Variants in ANKRD42 observed in about 807,000 individuals in gnomAD.
ANKRD42 encodes ankyrin repeat domain-containing protein 42.
Under a neutral mutation model 51.5 loss-of-function variants are expected in ANKRD42, and 43 were observed. The observed-to-expected ratio is 0.83, with a 90% confidence interval of 0.65 to 1.08. ANKRD42 has a LOEUF of 1.08. Among genes scored for constraint, ANKRD42 ranks in the 50% least tolerant of loss-of-function variants. The pLI is 0.00. For missense variants in ANKRD42, 608 were observed against 629.3 expected (o/e 0.97, Z 0.36); for synonymous variants, 203 against 213.0 (o/e 0.95, Z 0.41).
chr11:83,209,937 AC>A, intron 3 of ANKRD42: 1 of 379,006 alleles, frequency 2.6e-6, no homozygotes, highest in South Asian at 3.0e-5. Context: ...TGAGTTTGAG[AC>A]TGTGGCTGTT....
intron 7 of ANKRD42, among the ~76,000 whole-genome samples, chr11:83,230,218 A>G (rs1251608108): frequency 6.6e-6 from 1 of 152,028 alleles, no homozygotes; most frequent in Non-Finnish European, 1.5e-5. Context: ...TGCCTGGCTA[A>G]TTTTTTGTAT....
chr11:83,206,651 A>G (rs770664253), intron 3 of ANKRD42, among the ~76,000 whole-genome samples: 19 of 152,234 alleles, frequency 1.2e-4, no homozygotes, highest in Non-Finnish European at 2.5e-4. Flanking sequence ...GGCACTATCT[A>G]TGCAGAATGA....
downstream of ANKRD42, among the ~76,000 whole-genome samples, chr11:83,256,955 T>A (rs940068863): frequency 6.6e-6 from 1 of 152,160 alleles, no homozygotes; most frequent in Non-Finnish European, 1.5e-5. Context: ...TGGCTGTCAT[T>A]GGGAGAATTA....
chr11:83,216,730 A>G (rs1862549663), intron 5 of ANKRD42, among the ~76,000 whole-genome samples: 2 of 152,220 alleles, frequency 1.3e-5, no homozygotes, highest in African/African-American at 2.4e-5. Flanking sequence ...GGTGTAAGGC[A>G]TATTTTAAGC....
intron 9 of ANKRD42, among the ~76,000 whole-genome samples, chr11:83,242,866 CCA>C (rs1177619879): frequency 2.0e-5 from 3 of 152,014 alleles, no homozygotes; most frequent in Non-Finnish European, 4.4e-5. Context: ...CCCGGCCGCA[CCA>C]CGTTTTCTTT....
downstream of ANKRD42, among the ~76,000 whole-genome samples, chr11:83,253,420 T>C (rs1863708593): frequency 6.6e-6 from 1 of 152,218 alleles, no homozygotes; most frequent in South Asian, 2.1e-4. Context: ...TTTTGAAAAA[T>C]AAGAATTCCA....
intron 3 of ANKRD42, among the ~76,000 whole-genome samples, chr11:83,206,498 GA>G (rs1367629814): frequency 2.0e-5 from 3 of 152,208 alleles, no homozygotes; most frequent in Non-Finnish European, 4.4e-5. Context: ...ACCCCAAGGT[GA>G]TGGTGTTAAG....
At chr11:83,264,213 C>T (rs999170992), downstream of ANKRD42, among the ~76,000 whole-genome samples, 2 of 152,004 alleles carry the variant, frequency 1.3e-5, no homozygotes, top group African/African-American at 2.4e-5. Flanking sequence ...GGACTGGATA[C>T]ATAAATTGTG....
downstream of ANKRD42, among the ~76,000 whole-genome samples, chr11:83,256,474 T>A (rs1471841379): frequency 6.6e-6 from 1 of 152,228 alleles, no homozygotes; most frequent in Non-Finnish European, 1.5e-5. Flanking sequence ...TCTTAAAGAT[T>A]AGTAGTGCTT....
At chr11:83,213,621 T>C in intron 5 of ANKRD42, 1 of 1,017,570 alleles carries the variant, frequency 9.8e-7, no homozygotes, top group Non-Finnish European at 1.2e-6. Flanking sequence ...ACATTTTTCC[T>C]GATGACTAAA....
chr11:83,217,201 T>C (rs886514974), intron 5 of ANKRD42, among the ~76,000 whole-genome samples: 7 of 152,188 alleles, frequency 4.6e-5, no homozygotes, highest in Admixed American at 4.6e-4. Context: ...GGAGCCCAGG[T>C]ATCTATTGGT....
intron 3 of ANKRD42, among the ~76,000 whole-genome samples, chr11:83,207,197 A>G (rs1862109186): frequency 6.6e-6 from 1 of 152,176 alleles, no homozygotes; most frequent in Non-Finnish European, 1.5e-5. Context: ...ACTCACTATC[A>G]TGAGAATAGC....
intron 7 of ANKRD42, among the ~76,000 whole-genome samples, chr11:83,233,929 C>A (rs183829827): frequency 6.6e-6 from 1 of 152,182 alleles, no homozygotes; most frequent in Admixed American, 6.5e-5. Context: ...GTGATCCACC[C>A]GCTTTGGCCT....
At chr11:83,230,298 C>T (rs767403101) in intron 7 of ANKRD42, among the ~76,000 whole-genome samples, 7 of 152,046 alleles carry the variant, frequency 4.6e-5, no homozygotes, top group East Asian at 1.9e-4. Context: ...GTGATCCATC[C>T]GCCTTGGTCT....
At chr11:83,207,303 G>A (rs1353651616) in intron 3 of ANKRD42, among the ~76,000 whole-genome samples, 1 of 152,292 alleles carries the variant, frequency 6.6e-6, no homozygotes, top group East Asian at 1.9e-4. Context: ...GAGATTTGAG[G>A]GGGAACACAG....
downstream of ANKRD42, chr11:83,261,891 C>A: frequency 6.3e-7 from 1 of 1,579,938 alleles, no homozygotes; most frequent in South Asian, 1.2e-5. Context: ...CCAACAGCCA[C>A]AGCAGGATGA....
At chr11:83,236,908 T>G (rs975311125) in intron 8 of ANKRD42, among the ~76,000 whole-genome samples, 1 of 152,200 alleles carries the variant, frequency 6.6e-6, no homozygotes, top group African/African-American at 2.4e-5. Context: ...GTGATAAAAA[T>G]AAATAGTCAA....
At chr11:83,255,880 G>C (rs1190885051) in exon 12 of ANKRD42, 1 of 1,534,278 alleles carries the variant, frequency 6.5e-7, no homozygotes. Flanking sequence ...ACAAAGAGAA[G>C]AGGCGAGTAA....
At chr11:83,224,790 C>A in intron 5 of ANKRD42, 65 bp from the exon 6 acceptor site, 3 of 1,201,200 alleles carry the variant, frequency 2.5e-6, no homozygotes, top group Non-Finnish European at 3.4e-6. Flanking sequence ...TCTCTAAATA[C>A]ATACATACAT....
Sources: allele counts gnomAD v4.1 joint callset (sites outside exome capture counted in the v4.1 genomes callset), GRCh38; gene constraint gnomAD v4.1.1; transcripts MANE v1.5; gene names NCBI Gene and HGNC (gene_info 2026-07-23, HGNC 2026-07-21).